The following TIMMDC1 variants were observed in gnomAD, a reference collection of about 807,000 sequenced individuals.
TIMMDC1 encodes complex I assembly factor TIMMDC1, mitochondrial.
TIMMDC1 carries 25 observed loss-of-function variants against 32.6 expected under a neutral mutation model. The ratio of observed to expected loss-of-function variants is 0.77; its 90% confidence interval spans 0.56 to 1.07. The LOEUF (loss-of-function observed/expected upper bound fraction) is 1.07. Among genes scored for constraint, TIMMDC1 ranks in the 50% least tolerant of loss-of-function variants. The probability of loss-of-function intolerance (pLI) is 0.00; values close to 1 mark genes in which losing one functional copy is unlikely to be tolerated. For missense variants in TIMMDC1, 329 were observed against 349.2 expected, an observed-to-expected ratio of 0.94 and a Z score of 0.46; for synonymous variants, 130 against 127.6, an observed-to-expected ratio of 1.02 and a Z score of -0.13.
At chr3:119,507,755 A>G (rs746998259) in intron 4 of TIMMDC1, among the ~76,000 whole-genome samples, 6 of 152,196 alleles carry the variant, frequency 3.9e-5, no homozygotes, top group Non-Finnish European at 7.3e-5. Flanking sequence ...GTACCTGGGT[A>G]AAAAAGGAAT....
chr3:119,515,452 G>A (rs1577101039), intron 5 of TIMMDC1, among the ~76,000 whole-genome samples: 3 of 152,106 alleles, frequency 2.0e-5, no homozygotes, highest in Admixed American at 6.5e-5. Context: ...GCTTTTGAGT[G>A]TTCACTCAGA....
chr3:119,499,081 C>T (rs1577093833), intron 1 of TIMMDC1, 154 bp downstream of exon 1: 16 of 524,854 alleles, frequency 3.0e-5, no homozygotes, highest in South Asian at 7.6e-5. Flanking sequence ...AAGCTTGTAT[C>T]TTTTTTCTTT....
At position 119,523,720 on chromosome 3, in the gene TIMMDC1, A is replaced by G; in HGVS notation, c.822A>G (p.Arg274=). 6.2e-7 allele frequency: 1 copy of G among 1,612,558 alleles called. No homozygotes were observed. The highest frequency in any genetic ancestry group is 8.5e-7 in the Non-Finnish European group (1 of 1,179,376). Residue 274 remains arginine (R), a synonymous_variant, in exon 7 of 7, where the codon AGA becomes AGG. Coordinates refer to ENST00000494664, the MANE Select transcript of TIMMDC1 (RefSeq NM_016589.4). The part of the protein sequence containing the change: ...KKIEALLNLP[R]NPSVIDKQDK... The stretch of plus-strand genomic sequence containing the variant: ...TTGAAGCACTGCTAAACCTTCCTAG[A>G]AACCCTTCAGTAATAGATAAACAAG...
rs2081863837 is a variant in TIMMDC1, at chr3:119,500,428, T to C, written c.195-267T>C. 6 of 346,282 alleles carry C rather than the reference T, an allele frequency of 1.7e-5. No homozygotes were observed. In the East Asian group the frequency reaches 3.1e-4, roughly 18 times the overall value. 21.5% of individuals were successfully genotyped at this position (346,282 alleles called of 1,614,324 possible). On this transcript the variant is annotated intron_variant, in intron 1 of 6. Transcript: ENST00000494664. ...AGCACTAAGAAAGAAATGGCAACTA[T>C]TGTAACATCCCAAAAGCTCCCCTTG...
intron 4 of TIMMDC1, among the ~76,000 whole-genome samples, chr3:119,505,185 C>T (rs148040126): frequency 6.6e-6 from 1 of 151,954 alleles, no homozygotes; most frequent in East Asian, 1.9e-4. Context: ...CCAATATATA[C>T]ATACTGCAAA....
chr3:119,500,091 C>T (rs1160278022), intron 1 of TIMMDC1, among the ~76,000 whole-genome samples: 3 of 152,110 alleles, frequency 2.0e-5, no homozygotes, highest in South Asian at 4.1e-4. Flanking sequence ...TTAGTACAGT[C>T]CTATCTGAGT....
intron 3 of TIMMDC1, 66 bp from the exon 4 acceptor site, chr3:119,503,888 A>T: frequency 7.3e-7 from 1 of 1,365,808 alleles, no homozygotes; most frequent in Non-Finnish European, 1.0e-6. Context: ...AGTGAAAATA[A>T]CACTCAAGAA....
At chr3:119,500,650 G>T in intron 1 of TIMMDC1, 45 bp from the exon 2 acceptor site, 1 of 1,568,248 alleles carries the variant, frequency 6.4e-7, no homozygotes, top group Non-Finnish European at 8.7e-7. Context: ...GGAGAGCAAT[G>T]TCCATAAACT....
Position 119,517,333 on chromosome 3 carries a change from C to G in TIMMDC1, c.707+18C>G, listed in dbSNP as rs757097063. 8 of 1,548,500 alleles carry G rather than the reference C, an allele frequency of 5.2e-6. No individual in the cohort carries two copies. In the Admixed American group the frequency reaches 1.3e-4, roughly 26 times the overall value. ...GAAGAGTGGTAAGGAACATGTTGAGCCCAGGGAATCTTGGCTCTCTTGCCC... is the reference window on the plus strand; with the variant it reads ...GAAGAGTGGTAAGGAACATGTTGAGGCCAGGGAATCTTGGCTCTCTTGCCC... On this transcript the variant is annotated intron_variant, in intron 6 of 6. Transcript: ENST00000494664.
intron 6 of TIMMDC1, among the ~76,000 whole-genome samples, chr3:119,519,284 A>AT (rs1213689458): frequency 3.9e-5 from 6 of 152,236 alleles, no homozygotes; most frequent in Non-Finnish European, 8.8e-5. Context: ...AACACTTTAA[A>AT]TTCCCCAATT....
chr3:119,503,937 T>G lies in TIMMDC1; in HGVS notation c.450-17T>G. On this transcript the variant is annotated splice_polypyrimidine_tract_variant and intron_variant, in intron 3 of 6. Coordinates refer to ENST00000494664, the MANE Select transcript of TIMMDC1 (RefSeq NM_016589.4). Reference sequence around the variant, plus strand: ...TGCTTTAAATCTTATATTTTCCTTCTCCTCCCTTTTTACCAGCACAGTGAA... The same window carrying G: ...TGCTTTAAATCTTATATTTTCCTTCGCCTCCCTTTTTACCAGCACAGTGAA... 1 of 1,603,468 alleles carries G rather than the reference T, an allele frequency of 6.2e-7. No individual in the cohort carries two copies. Among genetic ancestry groups the G allele is most frequent in the Non-Finnish European group, 8.5e-7 (1 of 1,171,884 alleles).
At chr3:119,521,358 C>T (rs1307372912) in intron 6 of TIMMDC1, among the ~76,000 whole-genome samples, 2 of 152,112 alleles carry the variant, frequency 1.3e-5, no homozygotes, top group Admixed American at 6.5e-5. Flanking sequence ...AGTTCGAGAC[C>T]AGCCTGACCG....
Position 119,520,294 on chromosome 3 carries a change from A to C in TIMMDC1, c.707+2979A>C, listed in dbSNP as rs116327235. Among the ~76,000 whole-genome samples the C allele has an allele frequency of 3.2e-3, 488 of 152,210 alleles. 1 individual carries two copies. The highest frequency in any genetic ancestry group is 0.011 in the African/African-American group (457 of 41,564). On this transcript the variant is annotated intron_variant, in intron 6 of 6. Coordinates refer to ENST00000494664, the MANE Select transcript of TIMMDC1 (RefSeq NM_016589.4). ...GTGAAATAGAGACTTAAAAACAAAC[A>C]AAAAAACACAAAAGAAGAACTAAAT...
At chr3:119,514,639 T>G (rs889576406) in intron 5 of TIMMDC1, among the ~76,000 whole-genome samples, 5 of 152,190 alleles carry the variant, frequency 3.3e-5, no homozygotes, top group African/African-American at 1.2e-4. Context: ...TCAGGAGATA[T>G]TCTGTCACCC....
Position 119,498,813 on chromosome 3 carries a change from C to T in TIMMDC1, c.80C>T (p.Ala27Val). 14 of 1,614,250 alleles carry T rather than the reference C, an allele frequency of 8.7e-6. No individual in the cohort carries two copies. Among genetic ancestry groups the T allele is most frequent in the Non-Finnish European group, 1.2e-5 (14 of 1,180,052 alleles). ...TTTCCCCGAGTCTTTGCTGCCGAAGCTGTGACTGCCGATTCGGAAGTCCTT... is the reference window on the plus strand; with the variant it reads ...TTTCCCCGAGTCTTTGCTGCCGAAGTTGTGACTGCCGATTCGGAAGTCCTT... Reference protein sequence around the residue: ...CLFPRVFAAEAVTADSEVLEE... With the variant: ...CLFPRVFAAEVVTADSEVLEE... Residue 27 changes from alanine (A) to valine (V), a missense_variant, in exon 1 of 7, where the codon GCT becomes GTT. Coordinates refer to ENST00000494664, the MANE Select transcript of TIMMDC1 (RefSeq NM_016589.4).
At chr3:119,499,633 C>G (rs11707612) in intron 1 of TIMMDC1, among the ~76,000 whole-genome samples, 32,129 of 151,888 alleles carry the variant, frequency 0.21, 4,001 homozygotes, top group Middle Eastern at 0.29. Flanking sequence ...CCAGGCTGGT[C>G]TGGAACTCCT....
chr3:119,500,587 T>G (rs2081865859), intron 1 of TIMMDC1, 108 bp from the exon 2 acceptor site: 1 of 952,606 alleles, frequency 1.0e-6, no homozygotes, highest in African/African-American at 1.7e-5. Flanking sequence ...CTACCTATGA[T>G]GAAAAATGTT....
At chr3:119,502,113 C>T (rs2081880713) in intron 2 of TIMMDC1, among the ~76,000 whole-genome samples, 1 of 152,112 alleles carries the variant, frequency 6.6e-6, no homozygotes, top group Non-Finnish European at 1.5e-5. Context: ...AAATATCCTG[C>T]TTTTCATCAA....
chr3:119,504,035 G>GA lies in TIMMDC1; in HGVS notation c.517+14_517+15insA. ...TAATTGCAGGAGGTAAGACATTTTT[G>GA]TTTATATTTTTCAGTCTTCTCAAAT... On this transcript the variant is annotated intron_variant, in intron 4 of 6. Transcript: ENST00000494664. The GA allele has an allele frequency of 1.3e-6, 2 of 1,598,056 alleles. No homozygotes were observed. The highest frequency in any genetic ancestry group is 2.2e-5 in the South Asian group (2 of 90,706).
Sources: allele counts gnomAD v4.1 joint callset (sites outside exome capture counted in the v4.1 genomes callset), GRCh38; gene constraint gnomAD v4.1.1; transcripts MANE v1.5; gene names NCBI Gene and HGNC (gene_info 2026-07-23, HGNC 2026-07-21).